RPH3A: variants seen among roughly 807,000 people sequenced by gnomAD.
RPH3A encodes the protein rabphilin-3A.
RPH3A carries 48 observed loss-of-function variants against 102.2 expected under a neutral mutation model. The ratio of observed to expected loss-of-function variants is 0.47; its 90% CI spans 0.37 to 0.60. The LOEUF (loss-of-function observed/expected upper bound fraction) is 0.60, where lower values mean the gene tolerates loss of function less well. Among genes scored for constraint, RPH3A ranks in the 20% least tolerant of loss-of-function variants. The pLI is 0.00. For synonymous variants in RPH3A, 310 were observed against 324.3 expected, an observed-to-expected ratio of 0.96 and a Z score of 0.47; for missense variants, 781 against 910.1, an observed-to-expected ratio of 0.86 and a Z score of 1.83.
At chr12:112,583,964 T>A (rs780576387) in intron 1 of RPH3A, among the ~76,000 whole-genome samples, 32 of 152,172 alleles carry the variant, frequency 2.1e-4, no homozygotes, top group African/African-American at 6.3e-4. Flanking sequence ...CCAGCCTGAA[T>A]GACAGAGCGA....
At chr12:112,753,524 G>A (rs1206766981) in intron 1 of RPH3A, among the ~76,000 whole-genome samples, 1 of 152,150 alleles carries the variant, frequency 6.6e-6, no homozygotes, top group African/African-American at 2.4e-5. Flanking sequence ...TTTGCAGTTA[G>A]CCCTACCAGC....
intron 1 of RPH3A, among the ~76,000 whole-genome samples, chr12:112,733,736 C>A (rs942109416): frequency 6.6e-6 from 1 of 152,118 alleles, no homozygotes; most frequent in Non-Finnish European, 1.5e-5. Context: ...TCTGAGGCTG[C>A]CAAGTGAGGA....
intron 1 of RPH3A, among the ~76,000 whole-genome samples, chr12:112,653,214 C>T (rs1467307085): frequency 2.0e-5 from 3 of 151,696 alleles, no homozygotes; most frequent in Non-Finnish European, 4.4e-5. Context: ...AACGGTGAAA[C>T]CCCATCGCTA....
intron 1 of RPH3A, among the ~76,000 whole-genome samples, chr12:112,583,873 C>T (rs1260976343): frequency 5.9e-5 from 9 of 152,148 alleles, no homozygotes; most frequent in Admixed American, 3.9e-4. Context: ...GTAGTCCCAA[C>T]TACTCGTGAG....
chr12:112,719,887 T>A (rs1449168962), intron 1 of RPH3A, among the ~76,000 whole-genome samples: 1 of 152,234 alleles, frequency 6.6e-6, no homozygotes, highest in African/African-American at 2.4e-5. Flanking sequence ...CACCTTGTTT[T>A]TCTATCTTTA....
intron 1 of RPH3A, among the ~76,000 whole-genome samples, chr12:112,756,265 G>A (rs1215512874): frequency 6.6e-6 from 1 of 151,872 alleles, no homozygotes; most frequent in Non-Finnish European, 1.5e-5. Context: ...CCAGGCTGGA[G>A]TACAATGGTG....
chr12:112,699,155 C>T (rs1465756779), intron 1 of RPH3A, among the ~76,000 whole-genome samples: 1 of 152,118 alleles, frequency 6.6e-6, no homozygotes, highest in Non-Finnish European at 1.5e-5. Flanking sequence ...TCCTAGGCTC[C>T]AGCAATCCTC....
chr12:112,646,345 T>C (rs2039930258), intron 1 of RPH3A, among the ~76,000 whole-genome samples: 1 of 152,234 alleles, frequency 6.6e-6, no homozygotes, highest in Non-Finnish European at 1.5e-5. Flanking sequence ...AAGATGGCTC[T>C]CTCAGTTCTA....
intron 1 of RPH3A, among the ~76,000 whole-genome samples, chr12:112,576,599 G>A (rs773109848): frequency 1.4e-4 from 21 of 152,084 alleles, no homozygotes; most frequent in Non-Finnish European, 2.4e-4. Context: ...CGGGTTATCC[G>A]CCTGCCTTGG....
intron 2 of RPH3A, among the ~76,000 whole-genome samples, chr12:112,807,680 T>C (rs2041495864): frequency 6.6e-6 from 1 of 151,722 alleles, no homozygotes; most frequent in South Asian, 2.1e-4. Flanking sequence ...CAGTAAACAT[T>C]AGTCACTCTT....
chr12:112,690,085 T>C (rs10492019), intron 1 of RPH3A, among the ~76,000 whole-genome samples: 19,800 of 152,234 alleles, frequency 0.13, 3,586 homozygotes, highest in African/African-American at 0.4. Flanking sequence ...TCCCATTTAA[T>C]GTTATAAACG....
In RPH3A at chr12:112,719,026, C is replaced by T. The variant is rs139288934; in HGVS notation, c.-139-73117C>T. Among the ~76,000 whole-genome samples, 829 of 152,312 alleles carry T rather than the reference C, an allele frequency of 5.4e-3. 8 individuals carry two copies. Among genetic ancestry groups the T allele is most frequent in the African/African-American group, 0.019 (800 of 41,570 alleles). ...TTGTAATGCTCTGTCAAGTGGTTTTCACCTCCCAGAGGTCATTTGGCAATG... is the reference window on the plus strand; with the variant it reads ...TTGTAATGCTCTGTCAAGTGGTTTTTACCTCCCAGAGGTCATTTGGCAATG... On this transcript the variant is annotated intron_variant, in intron 1 of 21. Transcript: ENST00000543106.
intron 1 of RPH3A, among the ~76,000 whole-genome samples, chr12:112,671,908 A>G (rs1388669958): frequency 1.3e-5 from 2 of 151,844 alleles, no homozygotes; most frequent in African/African-American, 2.4e-5. Context: ...TAGGATATAT[A>G]TACACACACA....
At chr12:112,846,750 G>T (rs1810614288) in intron 4 of RPH3A, among the ~76,000 whole-genome samples, 1 of 152,188 alleles carries the variant, frequency 6.6e-6, no homozygotes, top group Non-Finnish European at 1.5e-5. Context: ...AGAGCCTTGG[G>T]TCATGGACCA....
chr12:112,887,742 TG>T, intron 16 of RPH3A, 54 bp from the exon 17 acceptor site: 1 of 1,584,592 alleles, frequency 6.3e-7, no homozygotes, highest in Non-Finnish European at 8.6e-7. Context: ...TGGCACACAG[TG>T]GTGTCTTAAT....
chr12:112,668,819 TA>T (rs537551179), intron 1 of RPH3A, among the ~76,000 whole-genome samples: 64 of 145,844 alleles, frequency 4.4e-4, no homozygotes, highest in South Asian at 8.7e-4. Flanking sequence ...GACTTAAAGT[TA>T]AAAAAAAAAA....
intron 1 of RPH3A, among the ~76,000 whole-genome samples, chr12:112,589,769 G>A (rs1490540783): frequency 6.6e-6 from 1 of 152,174 alleles, no homozygotes; most frequent in East Asian, 1.9e-4. Context: ...GAACACAGAA[G>A]ATGCATAATA....
intron 1 of RPH3A, among the ~76,000 whole-genome samples, chr12:112,711,591 G>A (rs1198061863): frequency 1.3e-5 from 2 of 152,190 alleles, no homozygotes; most frequent in Non-Finnish European, 2.9e-5. Flanking sequence ...AACGAGTGGT[G>A]TGTTTTATAT....
At chr12:112,733,654 G>A (rs1648776085) in intron 1 of RPH3A, among the ~76,000 whole-genome samples, 2 of 152,192 alleles carry the variant, frequency 1.3e-5, no homozygotes, top group African/African-American at 4.8e-5. Context: ...TTCAAATGCT[G>A]CAGCAGATCC....
Sources: allele counts gnomAD v4.1 joint callset (sites outside exome capture counted in the v4.1 genomes callset), GRCh38; gene constraint gnomAD v4.1.1; transcripts MANE v1.5; gene names NCBI Gene and HGNC (gene_info 2026-07-23, HGNC 2026-07-21).